The following SMOC1 variants were observed in gnomAD, a reference collection of about 807,000 sequenced individuals.
SMOC1 encodes the protein SPARC-related modular calcium-binding protein 1.
Under a neutral mutation model 56.3 loss-of-function variants are expected in SMOC1, and 22 were observed. The ratio of observed to expected loss-of-function variants is 0.39; its 90% CI spans 0.28 to 0.56. The LOEUF is 0.56. Ranked by LOEUF, SMOC1 falls within the 20% of genes least tolerant of loss-of-function variation. SMOC1 has a pLI of 0.61. For missense variants in SMOC1, 509 were observed against 565.4 expected (o/e 0.90, Z 1.01); for synonymous variants, 193 against 215.0 (o/e 0.90, Z 0.89).
chr14:69,978,033 TGA>T, intron 5 of SMOC1, 68 bp downstream of exon 5: 1 of 1,311,134 alleles, frequency 7.6e-7, no homozygotes, highest in Non-Finnish European at 1.1e-6. Context: ...ATTTCTTAGA[TGA>T]GATAGAAGGA....
chr14:69,968,063 C>A (rs887623509), intron 3 of SMOC1, among the ~76,000 whole-genome samples: 1 of 152,210 alleles, frequency 6.6e-6, no homozygotes, highest in African/African-American at 2.4e-5. Context: ...CATTAAAATA[C>A]CATGTCATTA....
At position 69,980,961 on chromosome 14, in the gene SMOC1, C is replaced by T. The variant is rs10144834; in HGVS notation, c.526+2996C>T. On this transcript the variant is annotated intron_variant, in intron 5 of 11. Coordinates refer to ENST00000361956, the MANE Select transcript of SMOC1 (RefSeq NM_001034852.3). Reference sequence around the variant, plus strand: ...CTCCACTGACCGGGCTGGGAGGGATCGGCTGTCCCTCCCAGGCTGGAAGGA... The same window carrying T: ...CTCCACTGACCGGGCTGGGAGGGATTGGCTGTCCCTCCCAGGCTGGAAGGA... Among the ~76,000 whole-genome samples the T allele has an allele frequency of 8.7e-3, 1,329 of 152,162 alleles. 13 individuals carry two copies. Among genetic ancestry groups the T allele is most frequent in the African/African-American group, 0.017 (713 of 41,512 alleles).
In SMOC1 at chr14:70,030,395, T is replaced by C. The variant is rs898486266; in HGVS notation, c.*137T>C. The C allele has an allele frequency of 7.5e-6, 8 of 1,063,078 alleles. No homozygotes were observed. The highest frequency in any genetic ancestry group is 1.1e-5 in the Non-Finnish European group (8 of 713,656). 65.9% of individuals were successfully genotyped at this position (1,063,078 alleles called of 1,614,324 possible). ...GTGCCCACCATGTTTGCACTTTTAA[T>C]AACTCTTACTTGCGTGTTTTGTTTT... On this transcript the variant is annotated 3_prime_UTR_variant, in exon 12 of 12. Coordinates refer to ENST00000361956, the MANE Select transcript of SMOC1 (RefSeq NM_001034852.3).
At chr14:69,947,643 C>A (rs1882838015) in intron 1 of SMOC1, among the ~76,000 whole-genome samples, 1 of 152,238 alleles carries the variant, frequency 6.6e-6, no homozygotes, top group South Asian at 2.1e-4. Context: ...GAAGACTACG[C>A]TCCCTCCTCT....
intron 1 of SMOC1, among the ~76,000 whole-genome samples, chr14:69,896,186 T>G (rs1325211677): frequency 1.3e-5 from 2 of 152,232 alleles, no homozygotes; most frequent in Non-Finnish European, 1.5e-5. Flanking sequence ...ATCTACTTTG[T>G]GAATGAAATT....
chr14:69,981,926 G>A (rs142989090), intron 5 of SMOC1, among the ~76,000 whole-genome samples: 2 of 152,298 alleles, frequency 1.3e-5, no homozygotes, highest in African/African-American at 4.8e-5. Context: ...CTTGTGAAGT[G>A]CAAGGAGGGA....
chr14:69,879,506 C>G lies in SMOC1; in HGVS notation c.-173C>G, dbSNP rs1883569507. 1 of 444,168 alleles carries G rather than the reference C, an allele frequency of 2.3e-6. No homozygotes were observed. Among genetic ancestry groups the G allele is most frequent in the African/African-American group, 2.1e-5 (1 of 48,092 alleles). 27.5% of individuals were successfully genotyped at this position (444,168 alleles called of 1,614,324 possible). A position where few individuals can be genotyped will look rare whatever the true frequency, so the allele number is the denominator to read the frequency against. ...CTCGCGCTCCAGCTCCCCTCCTGCG[C>G]GGTTCATGACTGTGTCCCCTGACCG... On this transcript the variant is annotated 5_prime_UTR_variant, in exon 1 of 12. Coordinates refer to ENST00000361956, the MANE Select transcript of SMOC1 (RefSeq NM_001034852.3).
At chr14:70,006,507 T>A (rs1309742857) in intron 7 of SMOC1, among the ~76,000 whole-genome samples, 1 of 152,226 alleles carries the variant, frequency 6.6e-6, no homozygotes. Flanking sequence ...ATTGATTGGT[T>A]GACTGAAGGG....
chr14:69,891,540 C>T (rs970718274), intron 1 of SMOC1, among the ~76,000 whole-genome samples: 2 of 152,150 alleles, frequency 1.3e-5, no homozygotes, highest in Non-Finnish European at 2.9e-5. Context: ...ACCGAAGTTG[C>T]AATCCCTCTT....
Position 69,952,148 on chromosome 14 carries a change from G to A in SMOC1, c.110G>A (p.Ser37Asn). The A allele has an allele frequency of 3.7e-6, 6 of 1,614,098 alleles. No individual in the cohort carries two copies. The highest frequency in any genetic ancestry group is 5.1e-6 in the Non-Finnish European group (6 of 1,180,012). ...TTTTTTCCAACCTAGTTTCTAATAA[G>A]TGACCGTGACCCACAGTGCAACCTC... ...HRTTGPRFLI[S>N]DRDPQCNLHC... The change falls in exon 2 of 12, where the codon AGT (serine) becomes AAT (asparagine). Residue 37 changes from serine (S) to asparagine (N), a missense_variant. By Grantham distance (46) the Ser-to-Asn change is conservative. Coordinates refer to ENST00000361956, the MANE Select transcript of SMOC1 (RefSeq NM_001034852.3).
intron 7 of SMOC1, among the ~76,000 whole-genome samples, chr14:69,999,004 A>G (rs1884872317): frequency 6.6e-6 from 1 of 152,112 alleles, no homozygotes. Flanking sequence ...CATTGAATGG[A>G]GCAGCTCATG....
intron 1 of SMOC1, among the ~76,000 whole-genome samples, chr14:69,895,954 C>T (rs1884088202): frequency 1.3e-5 from 2 of 148,924 alleles, no homozygotes; most frequent in African/African-American, 4.9e-5. Context: ...CTCATATGAT[C>T]CTAATGCCTT....
At chr14:69,933,201 C>G (rs1885211772) in intron 1 of SMOC1, among the ~76,000 whole-genome samples, 1 of 152,150 alleles carries the variant, frequency 6.6e-6, no homozygotes, top group Non-Finnish European at 1.5e-5. Context: ...CCCAGTGGCC[C>G]TTCTGGGAAA....
intron 7 of SMOC1, among the ~76,000 whole-genome samples, chr14:70,008,601 C>T (rs1885224328): frequency 6.6e-6 from 1 of 152,212 alleles, no homozygotes; most frequent in Admixed American, 6.5e-5. Flanking sequence ...TCGGGACCCC[C>T]AGTGGTGTGA....
chr14:69,885,215 A>T, intron 1 of SMOC1: 1 of 626,918 alleles, frequency 1.6e-6, no homozygotes, highest in Non-Finnish European at 2.6e-6. Context: ...GAACTTTTCT[A>T]CAGAGCATTC....
At chr14:69,971,144 G>A (rs780495125) in intron 3 of SMOC1, among the ~76,000 whole-genome samples, 75 of 152,160 alleles carry the variant, frequency 4.9e-4, no homozygotes, top group Non-Finnish European at 8.8e-4. Context: ...TCGGCCTCCC[G>A]AGTAGCTGGG....
intron 1 of SMOC1, among the ~76,000 whole-genome samples, chr14:69,948,827 G>A (rs1428434704): frequency 6.6e-6 from 1 of 152,046 alleles, no homozygotes; most frequent in Non-Finnish European, 1.5e-5. Flanking sequence ...CTCATTTTAC[G>A]GATGAGAAAA....
chr14:69,948,500 G>A (rs1313561975), intron 1 of SMOC1, among the ~76,000 whole-genome samples: 1 of 152,126 alleles, frequency 6.6e-6, no homozygotes, highest in Non-Finnish European at 1.5e-5. Context: ...GCTGGTCTCT[G>A]GCACAGCTGC....
At chr14:69,994,263 AG>A (rs1884682503) in intron 6 of SMOC1, 136 bp from the exon 7 acceptor site, 1 of 781,528 alleles carries the variant, frequency 1.3e-6, no homozygotes, top group African/African-American at 1.7e-5. Flanking sequence ...GGGAACTGGG[AG>A]GAGTGGATGT....
Sources: gnomAD v4.1 joint callset for allele counts (sites outside exome capture counted in the v4.1 genomes callset) on GRCh38, gnomAD v4.1.1 for gene constraint, MANE v1.5 for transcripts, NCBI Gene and HGNC (gene_info 2026-07-23, HGNC 2026-07-21) for gene names.